The following WDFY4 variants were observed in gnomAD, a reference collection of about 807,000 sequenced individuals.
The protein encoded by WDFY4 is WDFY family member 4, also known as WD repeat- and FYVE domain-containing protein 4.
WDFY4 carries 169 observed loss-of-function variants against 351.9 expected under a neutral mutation model. The ratio of observed to expected loss-of-function variants is 0.48; its 90% confidence interval spans 0.42 to 0.55. The LOEUF is 0.55. WDFY4 is among the 20% of genes least tolerant of loss of function. WDFY4 has a pLI of 0.00. For synonymous variants in WDFY4, 1,622 were observed against 1,574.6 expected (o/e 1.03, Z -0.71); for missense variants, 3,803 against 3,935.6 (o/e 0.97, Z 0.90).
intron 2 of WDFY4, among the ~76,000 whole-genome samples, chr10:48,715,940 C>T (rs531115193): frequency 3.0e-4 from 45 of 152,050 alleles, no homozygotes; most frequent in South Asian, 8.3e-4. Flanking sequence ...TGAGCCACCG[C>T]GCCCGGCCAC....
chr10:48,788,034 CCTT>C (rs1033924531), intron 20 of WDFY4, among the ~76,000 whole-genome samples: 1 of 120,224 alleles, frequency 8.3e-6, no homozygotes, highest in South Asian at 2.7e-4. Context: ...TTCTCCTTTT[CCTT>C]CTTCTTCTTC....
chr10:48,743,367 A>G lies in WDFY4; in HGVS notation c.2278A>G (p.Ile760Val). The G allele has an allele frequency of 6.4e-7, 1 of 1,551,622 alleles. No homozygotes were observed. Among genetic ancestry groups the G allele is most frequent in the Non-Finnish European group, 8.7e-7 (1 of 1,146,976 alleles). The change falls in exon 12 of 62, where the codon ATA becomes GTA. Residue 760 changes from isoleucine to valine, a missense_variant. Transcript: ENST00000325239. ...CTCCAGCGGCTCACTCCCACCCCGG[A>G]TACAGAGCTGCCTCCAGATCCTTGG... ...FSSSGSLPPR[I>V]QSCLQILGFL...
Position 48,743,692 on chromosome 10 carries a change from A to C in WDFY4, c.2459+144A>C, listed in dbSNP as rs1214880085. The C allele has an allele frequency of 6.1e-6, 6 of 983,448 alleles. No individual in the cohort carries two copies. In the African/African-American group the frequency reaches 9.8e-5, roughly 16 times the overall value. The allele number at this position is 983,448 out of a possible 1,614,324, so 60.9% of individuals were successfully genotyped here. The stretch of plus-strand genomic sequence containing the variant: ...ATGTGACCTCAACTTCCTCAAATCA[A>C]GTTAGCTCTGACTCCACACTCTTCT... On this transcript the variant is annotated intron_variant, in intron 12 of 61. Coordinates refer to ENST00000325239, the MANE Select transcript of WDFY4 (RefSeq NM_001394531.1).
rs761081688 is a variant in WDFY4 at position 48,914,094 on chromosome 10, C to T, written c.7586+12231C>T. On this transcript the variant is annotated intron_variant, in intron 47 of 61. Transcript: ENST00000325239. Reference sequence around the variant, plus strand: ...TTTCCCATCAAAAGTGATTTTGATGCAATTCCTGGCCACCTTGAGGGTGAT... The same window carrying T: ...TTTCCCATCAAAAGTGATTTTGATGTAATTCCTGGCCACCTTGAGGGTGAT... 6 of 1,614,212 alleles carry T rather than the reference C, an allele frequency of 3.7e-6. No homozygotes were observed. In the Admixed American group the frequency reaches 8.3e-5, roughly 22 times the overall value.
At chr10:48,978,280 C>T (rs765162770) in intron 59 of WDFY4, 29 bp from the exon 60 acceptor site, 17 of 1,546,176 alleles carry the variant, frequency 1.1e-5, no homozygotes, top group African/African-American at 1.4e-5. Context: ...TCGTCTTCCC[C>T]GCCGATGACA....
intron 5 of WDFY4, among the ~76,000 whole-genome samples, chr10:48,724,631 A>G (rs2039187171): frequency 6.6e-6 from 1 of 152,096 alleles, no homozygotes; most frequent in Non-Finnish European, 1.5e-5. Flanking sequence ...CAGGGAATAG[A>G]CCATTCCTGC....
rs576799815 is a variant in WDFY4 at position 48,795,227 on chromosome 10, T to A, written c.4258-1071T>A. Among the ~76,000 whole-genome samples the A allele has an allele frequency of 2.0e-5, 3 of 151,982 alleles. No individual in the cohort carries two copies. The South Asian group carries it at 6.2e-4, about 32-fold the overall frequency. ...GAATATTCATATCTGATGGGTTCTA[T>A]CTTTTCAGCAAAATATGAGGTCAGG... On this transcript the variant is annotated intron_variant, in intron 23 of 61. Coordinates refer to ENST00000325239, the MANE Select transcript of WDFY4 (RefSeq NM_001394531.1).
intron 13 of WDFY4, among the ~76,000 whole-genome samples, chr10:48,768,723 A>G (rs796123907): frequency 4.3e-5 from 6 of 141,068 alleles, no homozygotes; most frequent in African/African-American, 1.6e-4. Context: ...GGGAGAGGAG[A>G]AGAGAGAGAG....
intron 47 of WDFY4, among the ~76,000 whole-genome samples, chr10:48,932,225 C>T (rs868705451): frequency 7.2e-5 from 11 of 152,308 alleles, no homozygotes; most frequent in South Asian, 4.1e-4. Context: ...CCACCAGTGG[C>T]GGGTGCTGGT....
chr10:48,860,458 C>T (rs151322315), intron 39 of WDFY4, among the ~76,000 whole-genome samples: 57 of 152,220 alleles, frequency 3.7e-4, no homozygotes, highest in African/African-American at 1.3e-3. Flanking sequence ...AGAGAGAAAG[C>T]TCTGGTGTCT....
intron 32 of WDFY4, 132 bp from the exon 33 acceptor site, chr10:48,820,102 C>A: frequency 8.9e-6 from 9 of 1,008,918 alleles, no homozygotes; most frequent in Non-Finnish European, 1.3e-5. Context: ...AAGTTGCTTT[C>A]CTGTGCGGAG....
Position 48,760,422 on chromosome 10 carries a change from C to A in WDFY4, c.2535C>A (p.Tyr845Ter). Residue 845 changes from tyrosine (Y) to a stop codon, truncating the protein, a stop_gained, in exon 13 of 62, where the codon TAC becomes TAA. Coordinates refer to ENST00000325239, the MANE Select transcript of WDFY4 (RefSeq NM_001394531.1). LOFTEE classifies it high-confidence loss of function. ...CIMVRLLPRL[Y>*]HEDHPQLSEE... ...TGGTGAGGCTGCTGCCTCGGTTGTA[C>A]CATGAAGATCACCCACAGGTACCTG... 4 of 1,551,636 alleles carry A rather than the reference C, an allele frequency of 2.6e-6. No homozygotes were observed. The highest frequency in any genetic ancestry group is 3.5e-6 in the Non-Finnish European group (4 of 1,146,980).
At chr10:48,805,452 C>A in intron 26 of WDFY4, 31 bp downstream of exon 26, 1 of 1,539,460 alleles carries the variant, frequency 6.5e-7, no homozygotes, top group Non-Finnish European at 8.7e-7. Flanking sequence ...GGGGGAAGAG[C>A]AGGGCCCCAG....
intron 58 of WDFY4, 65 bp downstream of exon 58, chr10:48,975,106 G>A (rs1842509696): frequency 1.9e-6 from 3 of 1,548,144 alleles, no homozygotes; most frequent in East Asian, 2.4e-5. Context: ...ACAACACTCA[G>A]GAGAAAGCCC....
chr10:48,918,604 G>T (rs1300870434), intron 47 of WDFY4, among the ~76,000 whole-genome samples: 2 of 152,172 alleles, frequency 1.3e-5, no homozygotes, highest in African/African-American at 2.4e-5. Context: ...AGGAAAAATG[G>T]ATAAATTTAC....
At chr10:48,693,073 T>C (rs2063238377) in intron 1 of WDFY4, among the ~76,000 whole-genome samples, 2 of 152,120 alleles carry the variant, frequency 1.3e-5, no homozygotes, top group African/African-American at 2.4e-5. Context: ...AGAGGGGTTA[T>C]GGTGTGAGTG....
chr10:48,967,005 G>A, intron 55 of WDFY4: 1 of 270,716 alleles, frequency 3.7e-6, no homozygotes, highest in Admixed American at 5.2e-5. Flanking sequence ...ACACACACAT[G>A]TACACACACA....
At chr10:48,873,161 T>C (rs2069850841) in intron 40 of WDFY4, among the ~76,000 whole-genome samples, 1 of 152,226 alleles carries the variant, frequency 6.6e-6, no homozygotes, top group African/African-American at 2.4e-5. Flanking sequence ...TTTGGTAAAA[T>C]AGCTGTCCAG....
In WDFY4 at chr10:48,785,397, G is replaced by A. The variant is rs181324820; in HGVS notation, c.3577-1242G>A. Among the ~76,000 whole-genome samples, 575 of 152,016 alleles carry A rather than the reference G, an allele frequency of 3.8e-3. 10 individuals are homozygous for A. Among genetic ancestry groups the A allele is most frequent in the Middle Eastern group, 6.8e-3 (2 of 294 alleles). On this transcript the variant is annotated intron_variant, in intron 19 of 61. Coordinates refer to ENST00000325239, the MANE Select transcript of WDFY4 (RefSeq NM_001394531.1). ...TTATATGACTCATGCTTTTGGTGTC[G>A]TTTGAGAATATTTTGCCTAGTCCTA...
Sources: allele counts gnomAD v4.1 joint callset (sites outside exome capture counted in the v4.1 genomes callset), GRCh38; gene constraint gnomAD v4.1.1; transcripts MANE v1.5; gene names NCBI Gene and HGNC (gene_info 2026-07-23, HGNC 2026-07-21).